SIPA1L3: variants seen among roughly 807,000 people sequenced by gnomAD.
SIPA1L3 encodes the protein signal induced proliferation associated 1 like 3.
In SIPA1L3, 59 loss-of-function variants were observed where a neutral mutation model predicts 150.1. That is an observed-to-expected ratio of 0.39 (90% CI 0.32 to 0.49). The LOEUF (loss-of-function observed/expected upper bound fraction) is 0.49. Ranked by LOEUF, SIPA1L3 falls within the 20% of genes least tolerant of loss-of-function variation. The probability of loss-of-function intolerance (pLI) is 0.86; values close to 1 mark genes in which losing one functional copy is unlikely to be tolerated. For synonymous variants in SIPA1L3, 1,070 were observed against 1,077.6 expected (o/e 0.99, Z 0.14); for missense variants, 2,211 against 2,489.5 (o/e 0.89, Z 2.38).
chr19:37,963,185 C>T (rs2046875043), intron 1 of SIPA1L3, among the ~76,000 whole-genome samples: 1 of 152,164 alleles, frequency 6.6e-6, no homozygotes, highest in African/African-American at 2.4e-5. Flanking sequence ...GAGTCGGCCC[C>T]AGCCATTACT....
chr19:37,918,289 C>G (rs1366752013), intron 1 of SIPA1L3, among the ~76,000 whole-genome samples: 4 of 151,718 alleles, frequency 2.6e-5, no homozygotes, highest in Non-Finnish European at 5.9e-5. Context: ...GAGACAGGGT[C>G]TTGCTCTGTC....
At chr19:37,924,235 GAC>G (rs1304312441) in intron 1 of SIPA1L3, among the ~76,000 whole-genome samples, 1 of 151,714 alleles carries the variant, frequency 6.6e-6, no homozygotes, top group Non-Finnish European at 1.5e-5. Flanking sequence ...TAAAAACTAA[GAC>G]ACAAACACAT....
At chr19:38,088,450 T>C (rs1970188788) in intron 3 of SIPA1L3, among the ~76,000 whole-genome samples, 1 of 152,226 alleles carries the variant, frequency 6.6e-6, no homozygotes, top group South Asian at 2.1e-4. Flanking sequence ...ACTCTCTGAA[T>C]TGTGGGTGGC....
At chr19:38,028,693 T>G (rs1968571952) in intron 1 of SIPA1L3, among the ~76,000 whole-genome samples, 1 of 89,088 alleles carries the variant, frequency 1.1e-5, no homozygotes, top group Admixed American at 9.7e-5. Flanking sequence ...CAGTAAATAC[T>G]TTTTTTTTTT....
intron 15 of SIPA1L3, among the ~76,000 whole-genome samples, chr19:38,169,817 T>A (rs2145995792): frequency 6.6e-6 from 1 of 151,830 alleles, no homozygotes; most frequent in Non-Finnish European, 1.5e-5. Context: ...AGGGGTCAGG[T>A]CAAGATGGGC....
chr19:38,014,431 C>G (rs1396502270), intron 1 of SIPA1L3, among the ~76,000 whole-genome samples: 1 of 151,862 alleles, frequency 6.6e-6, no homozygotes, highest in Non-Finnish European at 1.5e-5. Flanking sequence ...AGATCTCGGG[C>G]TGTGTTCCAG....
At chr19:37,992,556 C>G (rs1967535554) in intron 1 of SIPA1L3, among the ~76,000 whole-genome samples, 1 of 151,862 alleles carries the variant, frequency 6.6e-6, no homozygotes, top group African/African-American at 2.4e-5. Flanking sequence ...GAGGCTGAGG[C>G]ACGAGAATCA....
At chr19:38,055,696 A>G (rs141521054) in intron 2 of SIPA1L3, among the ~76,000 whole-genome samples, 102 of 152,302 alleles carry the variant, frequency 6.7e-4, no homozygotes, top group Middle Eastern at 3.4e-3. Context: ...CCCTGGAGTA[A>G]CCCAGAGCAG....
At chr19:37,974,161 A>G (rs544293699) in intron 1 of SIPA1L3, among the ~76,000 whole-genome samples, 60 of 152,206 alleles carry the variant, frequency 3.9e-4, no homozygotes, top group African/African-American at 1.3e-3. Flanking sequence ...ACCTTATGAG[A>G]TGGGTCCTGC....
chr19:38,148,080 C>T (rs750875327), intron 12 of SIPA1L3, among the ~76,000 whole-genome samples: 71 of 151,298 alleles, frequency 4.7e-4, no homozygotes, highest in Non-Finnish European at 8.3e-4. Flanking sequence ...GGGCCGGGCT[C>T]GGTGGCTCAA....
intron 1 of SIPA1L3, among the ~76,000 whole-genome samples, chr19:37,936,960 A>T (rs1227305916): frequency 6.6e-6 from 1 of 152,194 alleles, no homozygotes; most frequent in East Asian, 1.9e-4. Flanking sequence ...AAATGCATTA[A>T]TTTTTAAAAT....
Position 37,923,136 on chromosome 19 carries a change from C to CA in SIPA1L3, c.-379+15792dup, listed in dbSNP as rs200934890. 7.2e-3 allele frequency among the ~76,000 whole-genome samples: 877 copies of CA among 122,548 alleles called. 7 individuals carry two copies. The highest frequency in any genetic ancestry group is 0.021 in the African/African-American group (704 of 33,332). 80.4% of individuals were successfully genotyped at this position (122,548 alleles called of 152,430 possible). ...TGGGCGACAGAGCGAGACTCCATCT[C>CA]AAAAAAAAAAAAAAGAAGTACAACA... is the stretch of plus-strand genomic sequence containing the variant. On this transcript the variant is annotated intron_variant, in intron 1 of 21. Transcript: ENST00000222345.
chr19:37,974,148 T>A (rs941038), intron 1 of SIPA1L3, among the ~76,000 whole-genome samples: 101,042 of 152,038 alleles, frequency 0.66, 34,605 homozygotes, highest in African/African-American at 0.82. Context: ...TTTGTTTTCA[T>A]CAACCTTATG....
intron 1 of SIPA1L3, among the ~76,000 whole-genome samples, chr19:37,953,255 T>C (rs568730276): frequency 1.2e-3 from 176 of 152,294 alleles, no homozygotes; most frequent in African/African-American, 4.0e-3. Context: ...GAAAAAAACA[T>C]TCCTTTCCTG....
At chr19:38,153,973 C>G (rs1971887464) in intron 13 of SIPA1L3, among the ~76,000 whole-genome samples, 1 of 152,076 alleles carries the variant, frequency 6.6e-6, no homozygotes, top group African/African-American at 2.4e-5. Context: ...GAAGACACAG[C>G]CTGATAACCT....
chr19:37,918,305 G>C (rs2046429417), intron 1 of SIPA1L3, among the ~76,000 whole-genome samples: 1 of 151,738 alleles, frequency 6.6e-6, no homozygotes, highest in African/African-American at 2.4e-5. Flanking sequence ...CTGTCACCAG[G>C]CTGGAGTGCA....
At chr19:37,980,018 G>A (rs754912193) in intron 1 of SIPA1L3, among the ~76,000 whole-genome samples, 4 of 152,220 alleles carry the variant, frequency 2.6e-5, no homozygotes, top group Non-Finnish European at 5.9e-5. Context: ...CAGGCCGGTG[G>A]GTGGGGAGAG....
intron 8 of SIPA1L3, among the ~76,000 whole-genome samples, chr19:38,117,479 C>T (rs1004283811): frequency 2.6e-5 from 4 of 152,024 alleles, no homozygotes; most frequent in Admixed American, 6.6e-5. Flanking sequence ...ATTAGCCAGG[C>T]GTTGTAGCAG....
intron 1 of SIPA1L3, among the ~76,000 whole-genome samples, chr19:37,934,325 G>A (rs2046581447): frequency 1.3e-5 from 2 of 152,152 alleles, no homozygotes; most frequent in South Asian, 4.1e-4. Context: ...AGAATGTGCA[G>A]AGCAGGAGGG....
Sources: allele counts gnomAD v4.1 joint callset (sites outside exome capture counted in the v4.1 genomes callset), GRCh38; gene constraint gnomAD v4.1.1; transcripts MANE v1.5; gene names NCBI Gene and HGNC (gene_info 2026-07-23, HGNC 2026-07-21).